Variants in NXF1 observed in about 807,000 individuals in gnomAD.
NXF1 encodes the protein nuclear RNA export factor 1.
Under a neutral mutation model 92.4 loss-of-function variants are expected in NXF1, and 43 were observed. That is an observed-to-expected ratio of 0.47 (90% CI 0.36 to 0.60). The LOEUF is 0.60. Ranked by LOEUF, NXF1 falls within the 20% of genes least tolerant of loss-of-function variation. The pLI is 0.00. For synonymous variants in NXF1, 288 were observed against 292.2 expected (o/e 0.99, Z 0.15); for missense variants, 576 against 793.0 (o/e 0.73, Z 3.29).
chr11:62,804,132 GA>G (rs1347408371), intron 1 of NXF1, 154 bp from the exon 2 acceptor site: 1 of 1,550,566 alleles, frequency 6.4e-7, no homozygotes, highest in Non-Finnish European at 8.7e-7. Context: ...CCACAGGAAA[GA>G]ACCCTCTCTG....
chr11:62,803,080 G>C (rs1023789518), intron 3 of NXF1, among the ~76,000 whole-genome samples: 1 of 152,120 alleles, frequency 6.6e-6, no homozygotes, highest in Non-Finnish European at 1.5e-5. Context: ...CAGCACTTTG[G>C]GGGGCCAAGG....
intron 10 of NXF1, chr11:62,798,997 C>T: frequency 9.9e-7 from 1 of 1,013,770 alleles, no homozygotes; most frequent in Non-Finnish European, 1.2e-6. Flanking sequence ...GACCCAAACA[C>T]ACCACAGGGA....
At chr11:62,801,451 T>A (rs760816567) in intron 7 of NXF1, 34 bp from the exon 8 acceptor site, 5 of 1,611,274 alleles carry the variant, frequency 3.1e-6, no homozygotes, top group Non-Finnish European at 4.2e-6. Flanking sequence ...AAGGGAAGAC[T>A]GAGAGGGTTT....
intron 11 of NXF1, 111 bp from the exon 12 acceptor site, chr11:62,797,497 T>C: frequency 1.1e-6 from 1 of 888,678 alleles, no homozygotes; most frequent in Non-Finnish European, 1.8e-6. Context: ...CTCAGGAGTT[T>C]GAGACCAGCC....
At position 62,805,364 on chromosome 11, in the gene NXF1, C is replaced by A. The variant is rs763841957; in HGVS notation, c.-8G>T. ...CTTCCCCTCGTCCGCCATGCCACAG[C>A]GAAGATCAAGGGCGGGCTCAGGCGC... On this transcript the variant is annotated 5_prime_UTR_variant, in exon 1 of 21. Coordinates refer to ENST00000294172, the MANE Select transcript of NXF1 (RefSeq NM_006362.5). 2 of 1,611,510 alleles carry A rather than the reference C, an allele frequency of 1.2e-6. No individual in the cohort carries two copies. Among genetic ancestry groups the A allele is most frequent in the South Asian group, 1.1e-5 (1 of 90,374 alleles).
intron 17 of NXF1, 111 bp from the exon 18 acceptor site, chr11:62,795,118 T>C: frequency 1.9e-6 from 2 of 1,033,460 alleles, no homozygotes; most frequent in Admixed American, 2.0e-5. Context: ...CAGAGAGGAA[T>C]GATTAAGTAT....
Position 62,794,985 on chromosome 11 carries a change from A to G in NXF1, c.1527T>C (p.Ser509=), listed in dbSNP as rs899903569. The G allele has an allele frequency of 1.2e-6, 2 of 1,614,134 alleles. No homozygotes were observed. Among genetic ancestry groups the G allele is most frequent in the African/African-American group, 1.3e-5 (1 of 74,948 alleles). ...FKEVDGKSRD[S]LRAFTRTFIA... ...TGAATGTCCGGGTGAAGGCTCGCAAAGAATCCCGGGACTTTCCGTCCACTG... is the reference window on the plus strand; with the variant it reads ...TGAATGTCCGGGTGAAGGCTCGCAAGGAATCCCGGGACTTTCCGTCCACTG... The change falls in exon 18 of 21, where the codon TCT becomes TCC. Residue 509 remains serine, a synonymous_variant. Coordinates refer to ENST00000294172, the MANE Select transcript of NXF1 (RefSeq NM_006362.5).
chr11:62,805,184 C>T, intron 1 of NXF1, 145 bp downstream of exon 1: 1 of 635,224 alleles, frequency 1.6e-6, no homozygotes, highest in Non-Finnish European at 2.4e-6. Context: ...CTCGGGTGTC[C>T]ACCTCGAGTG....
Position 62,800,025 on chromosome 11 carries a change from A to G in NXF1, c.1016+352T>C, listed in dbSNP as rs4559689. On this transcript the variant is annotated intron_variant, in intron 10 of 20. Coordinates refer to ENST00000294172, the MANE Select transcript of NXF1 (RefSeq NM_006362.5). ...GGACACCAGGCTCTTGGCACAAGGCAACCCCATCTATAGGGTATGTACAAG... is the reference window on the plus strand; with the variant it reads ...GGACACCAGGCTCTTGGCACAAGGCGACCCCATCTATAGGGTATGTACAAG... 5.8e-6 allele frequency: 6 copies of G among 1,038,474 alleles called. No homozygotes were observed. The African/African-American group carries it at 1.0e-4, about 18-fold the overall frequency. The allele number at this position is 1,038,474 out of a possible 1,614,324, so 64.3% of individuals were successfully genotyped here.
intron 19 of NXF1, 39 bp downstream of exon 19, chr11:62,794,219 C>T: frequency 6.3e-7 from 1 of 1,582,778 alleles, no homozygotes; most frequent in Non-Finnish European, 8.6e-7. Flanking sequence ...ACTAGCCCTA[C>T]TTCAGTGCAT....
intron 17 of NXF1, 38 bp downstream of exon 17, chr11:62,795,863 G>A: frequency 6.3e-7 from 1 of 1,595,342 alleles, no homozygotes; most frequent in Non-Finnish European, 8.6e-7. Flanking sequence ...GCTGGGGGTG[G>A]GACCACGCTA....
At chr11:62,797,030 T>G (rs1214360023) in intron 13 of NXF1, 153 bp downstream of exon 13, 8 of 671,730 alleles carry the variant, frequency 1.2e-5, no homozygotes, top group Non-Finnish European at 1.7e-5. Flanking sequence ...ATCACACCAT[T>G]GCACTCCAGC....
At position 62,802,194 on chromosome 11, in the gene NXF1, G is replaced by A. The variant is rs1257195708; in HGVS notation, c.436C>T (p.Pro146Ser). 6.2e-7 allele frequency: 1 copy of A among 1,614,128 alleles called. No individual in the cohort carries two copies. Among genetic ancestry groups the A allele is most frequent in the Admixed American group, 1.7e-5 (1 of 60,020 alleles). The stretch of plus-strand genomic sequence containing the variant: ...TGTCTTACCTCAATAGGGGTGAAGG[G>A]CACACTGCACTTGCTCTGAATCATG... ...LSMIQSKCSV[P>S]FTPIEFHYEN... Residue 146 changes from proline to serine, a missense_variant, in exon 4 of 21, where the codon CCC becomes TCC. Physicochemically the swap from Pro to Ser is moderately conservative, Grantham distance 74 (BLOSUM62 -1). This residue lies in a region of NXF1 where 425 missense variants were observed against 635.2 expected (regional missense o/e 0.67). Coordinates refer to ENST00000294172, the MANE Select transcript of NXF1 (RefSeq NM_006362.5).
intron 10 of NXF1, chr11:62,799,239 A>G (rs576909666): frequency 2.7e-5 from 27 of 985,282 alleles, no homozygotes; most frequent in South Asian, 1.9e-4. Flanking sequence ...AAAGGGAGAA[A>G]GACACCCTGA....
chr11:62,794,622 C>A (rs1463709914), intron 18 of NXF1, 182 bp from the exon 19 acceptor site: 4 of 615,600 alleles, frequency 6.5e-6, no homozygotes, highest in Non-Finnish European at 1.1e-5. Context: ...ACTAAACACA[C>A]TAGGGTTCTC....
chr11:62,803,510 T>A lies in NXF1; in HGVS notation c.278A>T (p.His93Leu). 1 of 1,613,978 alleles carries A rather than the reference T, an allele frequency of 6.2e-7. No homozygotes were observed. The highest frequency in any genetic ancestry group is 8.5e-7 in the Non-Finnish European group (1 of 1,179,982). Residue 93 changes from histidine to leucine, a missense_variant, in exon 3 of 21, where the codon CAT becomes CTT. By Grantham distance (99) the His-to-Leu change is moderately conservative. Around this residue, in one of 2 missense-constraint regions of NXF1, gnomAD observed 151 missense variants for 157.8 expected, o/e 0.96. Transcript: ENST00000294172. ...AGCTCTGTCTCTCCGCACAGTAACA[T>A]GAATGCGATCTCGATCATGCCAAGT... ...GDTWHDRDRI[H>L]VTVRRDRAPP...
intron 10 of NXF1, chr11:62,800,045 T>C: frequency 8.8e-7 from 1 of 1,140,528 alleles, no homozygotes; most frequent in South Asian, 2.6e-5. Context: ...ATAGGGTATG[T>C]ACAAGATACC....
intron 17 of NXF1, 43 bp from the exon 18 acceptor site, chr11:62,795,050 TTA>T: frequency 1.3e-6 from 2 of 1,555,308 alleles, no homozygotes; most frequent in Non-Finnish European, 1.8e-6. Flanking sequence ...CACTAGTGCT[TTA>T]TGTTTACAAA....
chr11:62,805,232 C>A (rs1273835031), intron 1 of NXF1, 97 bp downstream of exon 1: 1 of 1,226,768 alleles, frequency 8.2e-7, no homozygotes, highest in South Asian at 2.2e-5. Flanking sequence ...GGACGCCGGG[C>A]CCCTAGCGGC....
Sources: allele counts gnomAD v4.1 joint callset (sites outside exome capture counted in the v4.1 genomes callset), GRCh38; gene constraint gnomAD v4.1.1; regional missense constraint gnomAD v4.1.1; transcripts MANE v1.5; gene names NCBI Gene and HGNC (gene_info 2026-07-23, HGNC 2026-07-21).